CCL23: variants seen among roughly 807,000 people sequenced by gnomAD.
The protein encoded by CCL23 is C-C motif chemokine ligand 23.
In CCL23, 10 loss-of-function variants were observed where a neutral mutation model predicts 11.8. That is an observed-to-expected ratio of 0.84 (90% confidence interval 0.52 to 1.43). CCL23 has a LOEUF of 1.43. Among genes scored for constraint, CCL23 ranks in the 40% most tolerant of loss-of-function variants. The pLI, the probability that CCL23 is intolerant of heterozygous loss-of-function variation, is 0.00. For synonymous variants in CCL23, 60 were observed against 61.0 expected (o/e 0.98, Z 0.07); for missense variants, 181 against 170.9 (o/e 1.06, Z -0.33).
intron 2 of CCL23, 72 bp downstream of exon 2, chr17:36,014,262 G>A: frequency 1.8e-6 from 2 of 1,102,898 alleles, no homozygotes; most frequent in Admixed American, 1.7e-5. Context: ...TGTAAACAGG[G>A]ACAATGGATC....
At chr17:36,014,308 A>C (rs1353809787) in intron 2 of CCL23, 26 bp downstream of exon 2, 8 of 1,571,960 alleles carry the variant, frequency 5.1e-6, no homozygotes, top group South Asian at 1.1e-5. Flanking sequence ...GCTGCTTTTA[A>C]ATATATGCCG....
chr17:36,013,830 GCAGCAGT>G lies in CCL23; in HGVS notation c.209_215del (p.Asp70AlafsTer52). On this transcript the variant is annotated frameshift_variant, in exon 3 of 4. Transcript: ENST00000615050. LOFTEE classifies it high-confidence loss of function. ...GGATGCTTCGTGGGGTGTAGGAGATGCAGCAGTCAGCACTAGTAGCATGGAATCCTGC... is the reference window on the plus strand; with the variant it reads ...GGATGCTTCGTGGGGTGTAGGAGATGCAGCACTAGTAGCATGGAATCCTGC... The G allele has an allele frequency of 6.2e-7, 1 of 1,614,100 alleles. No individual in the cohort carries two copies. The highest frequency in any genetic ancestry group is 8.5e-7 in the Non-Finnish European group (1 of 1,179,920).
chr17:36,013,540 G>A, intron 3 of CCL23: 1 of 625,764 alleles, frequency 1.6e-6, no homozygotes, highest in Non-Finnish European at 2.8e-6. Context: ...ACTTGTGCCT[G>A]CTTTCTTCTT....
Position 36,013,823 on chromosome 17 carries a change from A to G in CCL23, c.223T>C (p.Tyr75His). ...GAACACGGGATGCTTCGTGGGGTGT[A>G]GGAGATGCAGCAGTCAGCACTAGTA... is the stretch of plus-strand genomic sequence containing the variant. Reference protein sequence around the residue: ...HATSADCCISYTPRSIPCSLL... With the variant: ...HATSADCCISHTPRSIPCSLL... The change falls in exon 3 of 4, where the codon TAC becomes CAC. Residue 75 changes from tyrosine (Y) to histidine (H), a missense_variant. Transcript: ENST00000615050. 1 of 1,614,158 alleles carries G rather than the reference A, an allele frequency of 6.2e-7. No homozygotes were observed. The highest frequency in any genetic ancestry group is 2.2e-5 in the East Asian group (1 of 44,886).
At position 36,013,766 on chromosome 17, in the gene CCL23, C is replaced by T. The variant is rs569676764; in HGVS notation, c.280G>A (p.Glu94Lys). 6 of 1,614,118 alleles carry T rather than the reference C, an allele frequency of 3.7e-6. No individual in the cohort carries two copies. The highest frequency in any genetic ancestry group is 2.2e-5 in the East Asian group (1 of 44,874). The change falls in exon 3 of 4, where the codon GAG becomes AAG. Residue 94 changes from glutamate to lysine, a missense_variant. Physicochemically the swap from Glu to Lys is moderately conservative, Grantham distance 56. Transcript: ENST00000615050. ...TACATGACACCCGGCTTGGAGCACT[C>T]GCTGTTCGTTTCAAAGTAACTCTCC... ...LLESYFETNS[E>K]CSKPGVIFLT...
At chr17:36,013,710 C>T (rs763431465) in intron 3 of CCL23, 34 bp downstream of exon 3, 14 of 1,610,776 alleles carry the variant, frequency 8.7e-6, no homozygotes, top group Admixed American at 5.0e-5. Flanking sequence ...GAGTCCTTCT[C>T]CCTCAACACA....
chr17:36,016,731 T>G lies in CCL23; in HGVS notation c.76+1091A>C, dbSNP rs540387799. Among the ~76,000 whole-genome samples the G allele has an allele frequency of 5.4e-5, 8 of 149,430 alleles. No homozygotes were observed. In the South Asian group the frequency reaches 1.5e-3, roughly 27 times the overall value. ...TAATTTAATGACTATATTAAATATC[T>G]TTTAATATAATTTAATAAGGATATT... On this transcript the variant is annotated intron_variant, in intron 1 of 3. Coordinates refer to ENST00000615050, the MANE Select transcript of CCL23 (RefSeq NM_005064.6).
At chr17:36,013,515 A>G in intron 3 of CCL23, 1 of 614,222 alleles carries the variant, frequency 1.6e-6, no homozygotes, top group South Asian at 2.0e-5. Context: ...GACTCATGGG[A>G]GCATCCTTGG....
Position 36,013,737 on chromosome 17 carries a change from C to T in CCL23, c.302+7G>A, listed in dbSNP as rs113634985. On this transcript the variant is annotated splice_region_variant and intron_variant, in intron 3 of 3. Coordinates refer to ENST00000615050, the MANE Select transcript of CCL23 (RefSeq NM_005064.6). ...CTCAACACATGTTTGGTGAGCTTGG[C>T]ACCTACATGACACCCGGCTTGGAGC... 8,086 of 1,613,876 alleles carry T rather than the reference C, an allele frequency of 5.0e-3. 46 individuals are homozygous for T. Among genetic ancestry groups the T allele is most frequent in the Middle Eastern group, 0.043 (255 of 5,992 alleles).
rs777800056 is a variant in CCL23, at chr17:36,013,753, G to A, written c.293C>T (p.Pro98Leu). The A allele has an allele frequency of 5.6e-6, 9 of 1,613,946 alleles. No homozygotes were observed. The highest frequency in any genetic ancestry group is 1.3e-5 in the African/African-American group (1 of 74,896). The change falls in exon 3 of 4, where the codon CCG (proline) becomes CTG (leucine). Residue 98 changes from proline to leucine, a missense_variant. Physicochemically the swap from Pro to Leu is moderately conservative, Grantham distance 98. Transcript: ENST00000615050. ...YFETNSECSK[P>L]GVIFLTKKGR... ...TGAGCTTGGCACCTACATGACACCC[G>A]GCTTGGAGCACTCGCTGTTCGTTTC... is the stretch of plus-strand genomic sequence containing the variant.
intron 1 of CCL23, among the ~76,000 whole-genome samples, chr17:36,016,489 C>A (rs2090098777): frequency 6.6e-6 from 1 of 152,148 alleles, no homozygotes. Context: ...CATGTCCCTG[C>A]AAAGGACATG....
intron 1 of CCL23, among the ~76,000 whole-genome samples, chr17:36,014,742 CAG>C (rs1252911697): frequency 2.6e-5 from 4 of 152,186 alleles, no homozygotes; most frequent in Non-Finnish European, 2.9e-5. Flanking sequence ...GCTCTGGAAA[CAG>C]AGAGGTGTTC....
intron 1 of CCL23, among the ~76,000 whole-genome samples, chr17:36,014,765 A>G (rs2090085573): frequency 6.6e-6 from 1 of 152,198 alleles, no homozygotes; most frequent in South Asian, 2.1e-4. Flanking sequence ...ATCAGCTCAT[A>G]TGGTGGCACA....
At chr17:36,015,486 T>G (rs1179512881) in intron 1 of CCL23, among the ~76,000 whole-genome samples, 1 of 152,204 alleles carries the variant, frequency 6.6e-6, no homozygotes, top group Admixed American at 6.5e-5. Flanking sequence ...AATCAATTCA[T>G]GTACCTGCTT....
At chr17:36,014,473 A>T in intron 1 of CCL23, 80 bp from the exon 2 acceptor site, 1 of 1,111,156 alleles carries the variant, frequency 9.0e-7, no homozygotes, top group Non-Finnish European at 1.4e-6. Context: ...CCCATTGCTC[A>T]TCCTCCTCCT....
chr17:36,013,370 G>T, intron 3 of CCL23, 62 bp from the exon 4 acceptor site: 3 of 1,068,854 alleles, frequency 2.8e-6, no homozygotes, highest in Non-Finnish European at 4.3e-6. Flanking sequence ...GGGACAGGGG[G>T]CCCCATTCTC....
chr17:36,017,301 A>C (rs977787810), intron 1 of CCL23, among the ~76,000 whole-genome samples: 9 of 152,218 alleles, frequency 5.9e-5, no homozygotes, highest in African/African-American at 2.2e-4. Context: ...TGATGTGTTA[A>C]TATCTGTAAG....
rs1031556775 is a variant in CCL23 at position 36,013,406 on chromosome 17, T to C, written c.303-98A>G. ...CCTGCCCCTCAGATTTCCCAGTCAA[T>C]ATAGCCAGTTTTTTTTTCTTTTTTT... On this transcript the variant is annotated intron_variant, in intron 3 of 3. Transcript: ENST00000615050. The C allele has an allele frequency of 3.3e-5, 24 of 726,968 alleles. 1 individual carries two copies. In the South Asian group the frequency reaches 4.0e-4, roughly 12 times the overall value. The allele number at this position is 726,968 out of a possible 1,614,324, so 45.0% of individuals were successfully genotyped here.
At chr17:36,016,368 C>T (rs187279152) in intron 1 of CCL23, among the ~76,000 whole-genome samples, 3 of 152,224 alleles carry the variant, frequency 2.0e-5, no homozygotes, top group Admixed American at 2.0e-4. Context: ...GTTCCCCTCC[C>T]TGTGTCCATG....
Sources: gnomAD v4.1 joint callset for allele counts (sites outside exome capture counted in the v4.1 genomes callset) on GRCh38, gnomAD v4.1.1 for gene constraint, MANE v1.5 for transcripts, NCBI Gene and HGNC (gene_info 2026-07-23, HGNC 2026-07-21) for gene names.